The following CDR2L variants were observed in gnomAD, a reference collection of about 807,000 sequenced individuals.
CDR2L encodes cerebellar degeneration related protein 2 like.
CDR2L carries 19 observed loss-of-function variants against 36.1 expected under a neutral mutation model. The observed-to-expected ratio is 0.53, with a 90% confidence interval of 0.37 to 0.77. The LOEUF is 0.77. Among genes scored for constraint, CDR2L ranks in the 30% least tolerant of loss-of-function variants. CDR2L has a pLI of 0.00. For synonymous variants in CDR2L, 285 were observed against 280.4 expected (o/e 1.02, Z -0.16); for missense variants, 575 against 627.2 (o/e 0.92, Z 0.89).
intron 3 of CDR2L, among the ~76,000 whole-genome samples, chr17:75,001,803 G>A (rs1038493434): frequency 6.6e-6 from 1 of 152,190 alleles, no homozygotes; most frequent in Non-Finnish European, 1.5e-5. Flanking sequence ...TGGCAGTGCA[G>A]GACAATAAGT....
chr17:75,004,368 C>T lies in CDR2L; in HGVS notation c.*294C>T, dbSNP rs1478483026. 1.4e-5 allele frequency: 5 copies of T among 356,204 alleles called. No homozygotes were observed. The highest frequency in any genetic ancestry group is 2.5e-5 in the Non-Finnish European group (5 of 197,018). The allele number at this position is 356,204 out of a possible 1,614,324, so 22.1% of individuals were successfully genotyped here. ...CTCCCCCAGCCCCTGGCTTCCTGAC[C>T]CTGCGCCTCACCCTCAGACTGGTGA... On this transcript the variant is annotated 3_prime_UTR_variant, in exon 5 of 5. Transcript: ENST00000337231.
chr17:74,988,204 C>T (rs972543220), intron 1 of CDR2L, 82 bp downstream of exon 1: 2 of 1,069,460 alleles, frequency 1.9e-6, no homozygotes, highest in Admixed American at 3.4e-5. Context: ...GGCGCTATCA[C>T]CCCGGGAGGG....
At chr17:74,995,431 G>A (rs1288985075) in intron 1 of CDR2L, among the ~76,000 whole-genome samples, 15 of 152,066 alleles carry the variant, frequency 9.9e-5, no homozygotes, top group Admixed American at 9.8e-4. Flanking sequence ...CCAAAGTGCT[G>A]GGATTACAGG....
Position 75,004,200 on chromosome 17 carries a change from C to A in CDR2L, c.*126C>A. On this transcript the variant is annotated 3_prime_UTR_variant, in exon 5 of 5. Transcript: ENST00000337231. ...CACCACAGCACGCGGCCTCCTGATC[C>A]GGAAGCACGCAGCATGTTCCCTGCT... The A allele has an allele frequency of 2.5e-6, 2 of 785,430 alleles. No homozygotes were observed. The highest frequency in any genetic ancestry group is 4.0e-6 in the Non-Finnish European group (2 of 501,844). 48.7% of individuals were successfully genotyped at this position (785,430 alleles called of 1,614,324 possible).
At chr17:74,998,921 C>T (rs947373718) in intron 1 of CDR2L, among the ~76,000 whole-genome samples, 5 of 152,182 alleles carry the variant, frequency 3.3e-5, no homozygotes, top group Non-Finnish European at 5.9e-5. Context: ...GGCTGTGATC[C>T]GCCACACTCA....
In CDR2L at chr17:75,005,017, C is replaced by T. The variant is rs1461531615; in HGVS notation, c.*943C>T. 6.5e-6 allele frequency: 1 copy of T among 152,760 alleles called. No homozygotes were observed. The highest frequency in any genetic ancestry group is 1.5e-5 in the Non-Finnish European group (1 of 68,146). 9.5% of individuals were successfully genotyped at this position (152,760 alleles called of 1,614,324 possible). On this transcript the variant is annotated 3_prime_UTR_variant, in exon 5 of 5. Transcript: ENST00000337231. The surrounding 1 kb of genome is among the most constrained non-coding windows in gnomAD (Gnocchi z 4.2). ...CGCTCCCCACAGGCCAACCCTGGCACAGGTCATGTCTGCAGCCCCCAGAAT... is the reference window on the plus strand; with the variant it reads ...CGCTCCCCACAGGCCAACCCTGGCATAGGTCATGTCTGCAGCCCCCAGAAT...
chr17:75,000,384 C>A (rs889224349), intron 2 of CDR2L, among the ~76,000 whole-genome samples: 2 of 150,752 alleles, frequency 1.3e-5, no homozygotes, highest in Non-Finnish European at 3.0e-5. Flanking sequence ...TGCAGCTCTG[C>A]CTCCCGGGTT....
At chr17:74,993,691 T>TTTG (rs566754512) in intron 1 of CDR2L, among the ~76,000 whole-genome samples, 12 of 152,224 alleles carry the variant, frequency 7.9e-5, no homozygotes, top group African/African-American at 2.4e-4. Flanking sequence ...ATTTGGTTTC[T>TTTG]TTGTTGTTGT....
At chr17:74,994,497 G>C (rs2039813887) in intron 1 of CDR2L, among the ~76,000 whole-genome samples, 1 of 152,160 alleles carries the variant, frequency 6.6e-6, no homozygotes, top group Non-Finnish European at 1.5e-5. Context: ...TCTGTATCTA[G>C]GCCTACCTTT....
At position 75,001,415 on chromosome 17, in the gene CDR2L, G is replaced by C. The variant is rs1337168931; in HGVS notation, c.267G>C (p.Leu89=). ...CCAAAGTCTATGAGCAGCTGGACCT[G>C]ACAGCCCGGGACCTGGAGCTGACCA... ...QHAKVYEQLD[L]TARDLELTNH... Residue 89 remains leucine (L), a synonymous_variant, in exon 3 of 5, where the codon CTG becomes CTC. Coordinates refer to ENST00000337231, the MANE Select transcript of CDR2L (RefSeq NM_014603.3). 1 of 1,609,658 alleles carries C rather than the reference G, an allele frequency of 6.2e-7. No homozygotes were observed. Among genetic ancestry groups the C allele is most frequent in the East Asian group, 2.2e-5 (1 of 44,820 alleles).
rs2039772410 is a variant in CDR2L, at chr17:74,987,820, G to C, written c.-224G>C. Reference sequence around the variant, plus strand: ...TCCACCCTTTGTGTCGCCGCAGCCCGGTGCCCCCGGCTCTGCGGGACCCCG... The same window carrying C: ...TCCACCCTTTGTGTCGCCGCAGCCCCGTGCCCCCGGCTCTGCGGGACCCCG... On this transcript the variant is annotated 5_prime_UTR_variant, in exon 1 of 5. Coordinates refer to ENST00000337231, the MANE Select transcript of CDR2L (RefSeq NM_014603.3). 1 of 239,854 alleles carries C rather than the reference G, an allele frequency of 4.2e-6. No homozygotes were observed. The highest frequency in any genetic ancestry group is 8.0e-6 in the Non-Finnish European group (1 of 125,632). 14.9% of individuals were successfully genotyped at this position (239,854 alleles called of 1,614,324 possible).
rs2039874104 is a variant in CDR2L, at chr17:75,002,680, G to A, written c.506+452G>A. Among the ~76,000 whole-genome samples, 1 of 152,184 alleles carries A rather than the reference G, an allele frequency of 6.6e-6. No individual in the cohort carries two copies. Among genetic ancestry groups the A allele is most frequent in the African/African-American group, 2.4e-5 (1 of 41,440 alleles). ...CTGGCAGGAAACAGTCTCTTACACA[G>A]AGTAATGGAGAAGTTAAATGAAGAA... On this transcript the variant is annotated intron_variant, in intron 4 of 4. Coordinates refer to ENST00000337231, the MANE Select transcript of CDR2L (RefSeq NM_014603.3). The surrounding 1 kb of genome is among the most constrained non-coding windows in gnomAD (Gnocchi z 4.1).
intron 1 of CDR2L, among the ~76,000 whole-genome samples, chr17:74,993,080 C>T (rs1567973404): frequency 6.6e-6 from 1 of 152,190 alleles, no homozygotes; most frequent in Non-Finnish European, 1.5e-5. Flanking sequence ...AGGGGGAAAA[C>T]ATTTAGGAGA....
chr17:75,001,532 C>T, intron 3 of CDR2L, 43 bp downstream of exon 3: 1 of 1,472,262 alleles, frequency 6.8e-7, no homozygotes, highest in African/African-American at 1.4e-5. Flanking sequence ...GAGGGAGAGC[C>T]CCAGGGCTGA....
chr17:74,991,526 G>A (rs1256280165), intron 1 of CDR2L, among the ~76,000 whole-genome samples: 3 of 151,330 alleles, frequency 2.0e-5, no homozygotes, highest in Non-Finnish European at 4.4e-5. Context: ...AACCATCCTG[G>A]CTAACACAGT....
At chr17:74,994,898 G>A (rs555383847) in intron 1 of CDR2L, among the ~76,000 whole-genome samples, 3 of 152,056 alleles carry the variant, frequency 2.0e-5, no homozygotes, top group African/African-American at 4.8e-5. Flanking sequence ...GTGAAACCCC[G>A]TCTCTACTAA....
chr17:74,999,582 A>T lies in CDR2L; in HGVS notation c.158A>T (p.Tyr53Phe). ...CTGGAGGGGTCCCTGCAGCAGATGT[A>T]CTCCACCAATGAGGAACAGGTGCAG... Reference protein sequence around the residue: ...KELEGSLQQMYSTNEEQVQEI... With the variant: ...KELEGSLQQMFSTNEEQVQEI... Residue 53 changes from tyrosine (Y) to phenylalanine (F), a missense_variant, in exon 2 of 5, where the codon TAC becomes TTC. Transcript: ENST00000337231. 1 of 1,584,786 alleles carries T rather than the reference A, an allele frequency of 6.3e-7. No individual in the cohort carries two copies. The highest frequency in any genetic ancestry group is 8.6e-7 in the Non-Finnish European group (1 of 1,165,764).
intron 1 of CDR2L, among the ~76,000 whole-genome samples, chr17:74,995,799 G>A (rs866889553): frequency 3.3e-5 from 5 of 152,104 alleles, no homozygotes; most frequent in Middle Eastern, 3.2e-3. Context: ...CACTGCACCC[G>A]GCCTAAATCA....
intron 2 of CDR2L, among the ~76,000 whole-genome samples, chr17:75,000,913 G>A (rs1040458975): frequency 6.0e-5 from 9 of 151,196 alleles, no homozygotes; most frequent in Non-Finnish European, 8.8e-5. Flanking sequence ...GCAAGACTCC[G>A]TCTCAAAAAA....
Sources: allele counts gnomAD v4.1 joint callset (sites outside exome capture counted in the v4.1 genomes callset), GRCh38; gene constraint gnomAD v4.1.1; non-coding constraint Gnocchi (gnomAD v3.1); transcripts MANE v1.5; gene names NCBI Gene and HGNC (gene_info 2026-07-23, HGNC 2026-07-21).